CASP6: variants seen among roughly 807,000 people sequenced by gnomAD.
CASP6 encodes the protein caspase 6.
A neutral mutation model predicts 31.8 loss-of-function variants in CASP6; 20 were observed. That is an observed-to-expected ratio of 0.63 (90% confidence interval 0.44 to 0.91). CASP6 has a LOEUF of 0.91. Ranked by LOEUF, CASP6 falls within the 40% of genes least tolerant of loss-of-function variation. The pLI is 0.00. For synonymous variants in CASP6, 130 were observed against 127.8 expected (o/e 1.02, Z -0.12); for missense variants, 328 against 361.1 (o/e 0.91, Z 0.74).
chr4:109,706,417 C>CT (rs1325674015), upstream of CASP6, among the ~76,000 whole-genome samples: 1 of 151,692 alleles, frequency 6.6e-6, no homozygotes, highest in Non-Finnish European at 1.5e-5. Context: ...TGAGGAGATG[C>CT]TTTTTACGGA....
the CASP6 span, among the ~76,000 whole-genome samples, chr4:109,670,978 G>A: frequency 1.5e-3 from 230 of 152,260 alleles, no homozygotes; most frequent in African/African-American, 5.4e-3. Context: ...TCCTACCCTG[G>A]TACTGATTCT....
upstream of CASP6, among the ~76,000 whole-genome samples, chr4:109,707,100 ACATT>A (rs1730635639): frequency 6.6e-6 from 1 of 152,236 alleles, no homozygotes; most frequent in Non-Finnish European, 1.5e-5. Context: ...TAAGGTATAT[ACATT>A]ATTTTTTTAG....
chr4:109,688,806 C>T lies in CASP6; in HGVS notation c.*524G>A, dbSNP rs911311201. 14 of 151,016 alleles carry T rather than the reference C, an allele frequency of 9.3e-5. No homozygotes were observed. The highest frequency in any genetic ancestry group is 3.4e-4 in the African/African-American group (14 of 41,162). The allele number at this position is 151,016 out of a possible 1,614,324, so 9.4% of individuals were successfully genotyped here. A position where few individuals can be genotyped will look rare whatever the true frequency, so the allele number is the denominator to read the frequency against. On this transcript the variant is annotated 3_prime_UTR_variant, in exon 7 of 7. Coordinates refer to ENST00000265164, the MANE Select transcript of CASP6 (RefSeq NM_001226.4). ...CAAATGCTTATAAATTTTTATTTAT[C>T]TAATTTCCTGAGGATTTTGTTTCTC...
chr4:109,694,275 G>C (rs932168304), intron 5 of CASP6, among the ~76,000 whole-genome samples: 2 of 152,142 alleles, frequency 1.3e-5, no homozygotes, highest in Admixed American at 1.3e-4. Context: ...GCTCGGACAG[G>C]GAGTAGCACA....
chr4:109,684,657 T>A (rs1302302617), downstream of CASP6: 3 of 1,288,902 alleles, frequency 2.3e-6, no homozygotes, highest in Admixed American at 5.4e-5. Flanking sequence ...GTGAGTAGTT[T>A]GTTAGGAAAA....
chr4:109,682,329 T>TA, the CASP6 span, among the ~76,000 whole-genome samples: 1 of 152,060 alleles, frequency 6.6e-6, no homozygotes, highest in African/African-American at 2.4e-5. Context: ...GGTGACTTTT[T>TA]TTTTTTTTAC....
chr4:109,706,024 AT>A (rs1561266727), upstream of CASP6, among the ~76,000 whole-genome samples: 7 of 103,494 alleles, frequency 6.8e-5, no homozygotes, highest in African/African-American at 2.1e-4. Flanking sequence ...ATATATATAT[AT>A]ATATATAATA....
intron 1 of CASP6, chr4:109,702,956 A>G: frequency 4.8e-6 from 1 of 208,280 alleles, no homozygotes; most frequent in Admixed American, 5.9e-5. Flanking sequence ...AGCAAACAAA[A>G]GATCCAACCC....
chr4:109,699,635 G>A (rs1250931239), intron 1 of CASP6, among the ~76,000 whole-genome samples: 2 of 152,184 alleles, frequency 1.3e-5, no homozygotes, highest in African/African-American at 4.8e-5. Flanking sequence ...GAGGAAGGAG[G>A]TGACAGCTGC....
chr4:109,689,404 T>C lies in CASP6; in HGVS notation c.808A>G (p.Ile270Val). ...AAACAGGGAACCTGCTTCTTTCCAA[T>C]TGCACTTGGGTCTTTGCAAAAGTCC... ...RVDFCKDPSA[I>V]GKKQVPCFAS... Residue 270 changes from isoleucine (I) to valine (V), a missense_variant, in exon 7 of 7, where the codon ATT becomes GTT. Coordinates refer to ENST00000265164, the MANE Select transcript of CASP6 (RefSeq NM_001226.4). The C allele has an allele frequency of 1.2e-6, 2 of 1,614,244 alleles. No individual in the cohort carries two copies. Among genetic ancestry groups the C allele is most frequent in the Non-Finnish European group, 1.7e-6 (2 of 1,180,046 alleles).
At chr4:109,686,544 C>T (rs945223675), downstream of CASP6, among the ~76,000 whole-genome samples, 3 of 152,154 alleles carry the variant, frequency 2.0e-5, no homozygotes, top group African/African-American at 7.2e-5. Flanking sequence ...ATAATCCTAT[C>T]TGAGAAGGCT....
intron 4 of CASP6, among the ~76,000 whole-genome samples, chr4:109,696,023 T>C (rs1730228917): frequency 6.6e-6 from 1 of 152,160 alleles, no homozygotes; most frequent in Admixed American, 6.5e-5. Context: ...AAGGAGGTAA[T>C]GTATGTAAAC....
upstream of CASP6, among the ~76,000 whole-genome samples, chr4:109,707,333 A>G (rs2126164294): frequency 6.6e-6 from 1 of 151,622 alleles, no homozygotes; most frequent in South Asian, 2.1e-4. Flanking sequence ...AACTTATTTT[A>G]AATGTTCTTT....
chr4:109,682,485 A>C, the CASP6 span: 1 of 970,504 alleles, frequency 1.0e-6, no homozygotes, highest in Non-Finnish European at 1.6e-6. Flanking sequence ...TGTGGATCCT[A>C]AGATAATATT....
downstream of CASP6, chr4:109,685,239 T>TC (rs775980686): frequency 1.8e-5 from 17 of 945,450 alleles, no homozygotes; most frequent in Middle Eastern, 2.4e-4. Flanking sequence ...TCTCTCTCTC[T>TC]TTTTTTTTAA....
the CASP6 span, chr4:109,682,653 T>G: frequency 6.2e-7 from 1 of 1,612,852 alleles, no homozygotes; most frequent in Non-Finnish European, 8.5e-7. Flanking sequence ...ATTTACAATC[T>G]TGCATTTAGA....
rs138612894 is a variant in CASP6 at position 109,697,298 on chromosome 4, G to T, written c.230+324C>A. ...TTTTATTTTTTATTTTAGAGACAAG[G>T]TCTCACTCTGTTGCCCAGCCTGGAG... is the stretch of plus-strand genomic sequence containing the variant. On this transcript the variant is annotated intron_variant, in intron 3 of 6. Coordinates refer to ENST00000265164, the MANE Select transcript of CASP6 (RefSeq NM_001226.4). Among the ~76,000 whole-genome samples, 84 of 152,004 alleles carry T rather than the reference G, an allele frequency of 5.5e-4. 1 individual carries two copies. In the East Asian group the frequency reaches 0.014, roughly 25 times the overall value.
intron 1 of CASP6, among the ~76,000 whole-genome samples, chr4:109,698,927 C>A (rs1730334256): frequency 6.6e-6 from 1 of 152,216 alleles, no homozygotes; most frequent in South Asian, 2.1e-4. Flanking sequence ...ACTCCCTGGA[C>A]AGCCTTCCAC....
chr4:109,674,041 G>A, the CASP6 span: 166 of 1,342,646 alleles, frequency 1.2e-4, no homozygotes, highest in African/African-American at 2.3e-3. Flanking sequence ...GCGTGTGGTA[G>A]CCCAAGGCTT....
Sources: allele counts gnomAD v4.1 joint callset (sites outside exome capture counted in the v4.1 genomes callset), GRCh38; gene constraint gnomAD v4.1.1; transcripts MANE v1.5; gene names NCBI Gene and HGNC (gene_info 2026-07-23, HGNC 2026-07-21).